NAALADL2: variants seen among roughly 807,000 people sequenced by gnomAD.
The protein encoded by NAALADL2 is N-acetylated alpha-linked acidic dipeptidase like 2.
Under a neutral mutation model 87.2 loss-of-function variants are expected in NAALADL2, and 76 were observed. The ratio of observed to expected loss-of-function variants is 0.87; its 90% CI spans 0.72 to 1.05. NAALADL2 has a LOEUF of 1.05. NAALADL2 is among the 50% of genes least tolerant of loss of function. The pLI, the probability that NAALADL2 is intolerant of heterozygous loss-of-function variation, is 0.00. For synonymous variants in NAALADL2, 354 were observed against 331.0 expected (o/e 1.07, Z -0.75); for missense variants, 1,089 against 945.8 (o/e 1.15, Z -1.99).
intron 1 of NAALADL2, among the ~76,000 whole-genome samples, chr3:174,866,333 C>T (rs1727141094): frequency 6.6e-6 from 1 of 151,770 alleles, no homozygotes; most frequent in Admixed American, 6.6e-5. Context: ...CTTTGAGCTC[C>T]TAAAGCTATT....
intron 2 of NAALADL2, among the ~76,000 whole-genome samples, chr3:175,100,942 G>C (rs1408698782): frequency 2.0e-5 from 3 of 152,016 alleles, no homozygotes; most frequent in African/African-American, 7.2e-5. Flanking sequence ...GAGAGGGAGA[G>C]GGCAGGAGGC....
chr3:174,975,119 A>T lies in NAALADL2; in HGVS notation c.43+115669A>T, dbSNP rs1000413675. ...CTTTACTTAATATAGGAATTATGCC[A>T]TAGTACAGAGCTAGGGAAACAGACT... On this transcript the variant is annotated intron_variant, in intron 1 of 13. Transcript: ENST00000454872. Among the ~76,000 whole-genome samples, 9 of 152,266 alleles carry T rather than the reference A, an allele frequency of 5.9e-5. No individual in the cohort carries two copies. In the South Asian group the frequency reaches 1.9e-3, roughly 32 times the overall value.
intron 1 of NAALADL2, among the ~76,000 whole-genome samples, chr3:174,946,156 G>A (rs1739389839): frequency 1.3e-5 from 2 of 148,678 alleles, no homozygotes; most frequent in Admixed American, 1.3e-4. Flanking sequence ...TCCAATTCTT[G>A]CCAAGTTTCC....
In NAALADL2 at chr3:174,851,210, AG is replaced by A. The variant is rs1012553930; in HGVS notation, c.-9+113467del. On this transcript the variant is annotated intron_variant, in intron 3 of 3. Coordinates refer to the NAALADL2 transcript ENST00000434257. Reference sequence around the variant, plus strand: ...TTCATCTTAAAGAAGTAGAAATGCAAGGGCAACCAAACTCAATCTTAGTAGA... The same window carrying A: ...TTCATCTTAAAGAAGTAGAAATGCAAGGCAACCAAACTCAATCTTAGTAGA... Among the ~76,000 whole-genome samples the A allele has an allele frequency of 2.5e-4, 38 of 152,158 alleles. No homozygotes were observed. The Middle Eastern group carries it at 0.01, about 41-fold the overall frequency.
At chr3:175,703,776 C>G (rs941414489) in intron 11 of NAALADL2, among the ~76,000 whole-genome samples, 1 of 151,976 alleles carries the variant, frequency 6.6e-6, no homozygotes, top group Non-Finnish European at 1.5e-5. Flanking sequence ...CAAAACTTAA[C>G]CTAAGTTGTT....
intron 4 of NAALADL2, among the ~76,000 whole-genome samples, chr3:175,272,786 G>C (rs2110021086): frequency 6.6e-6 from 1 of 152,164 alleles, no homozygotes; most frequent in Admixed American, 6.5e-5. Context: ...ACCTGAAGCT[G>C]TAGGTTATTT....
chr3:175,558,057 T>A (rs1715584179), intron 9 of NAALADL2, among the ~76,000 whole-genome samples: 1 of 151,304 alleles, frequency 6.6e-6, no homozygotes, highest in Non-Finnish European at 1.5e-5. Context: ...TAGCCGGGCG[T>A]GGTGGCGGGC....
chr3:174,953,297 T>TCCTCTCCCCC (rs1740651836), intron 1 of NAALADL2, among the ~76,000 whole-genome samples: 10 of 59,314 alleles, frequency 1.7e-4, no homozygotes, highest in African/African-American at 2.9e-4. Context: ...CTTTCTTGCC[T>TCCTCTCCCCC]CCCCTCCCCT....
intron 4 of NAALADL2, among the ~76,000 whole-genome samples, chr3:175,317,328 C>T (rs967299470): frequency 6.9e-6 from 1 of 145,410 alleles, no homozygotes; most frequent in East Asian, 2.1e-4. Context: ...TTTGACTATC[C>T]CACCAAAGCA....
intron 10 of NAALADL2, among the ~76,000 whole-genome samples, chr3:175,595,161 G>T (rs1219633634): frequency 6.6e-6 from 1 of 152,120 alleles, no homozygotes; most frequent in Non-Finnish European, 1.5e-5. Context: ...TCTATCTTAA[G>T]TAAATTTTTG....
chr3:175,729,228 T>C (rs76884852), intron 11 of NAALADL2, among the ~76,000 whole-genome samples: 6,168 of 152,288 alleles, frequency 0.041, 393 homozygotes, highest in African/African-American at 0.14. Flanking sequence ...AGAGCACCTA[T>C]CTTTTATGAC....
At chr3:174,935,019 A>G (rs1319541260) in intron 1 of NAALADL2, among the ~76,000 whole-genome samples, 1 of 151,780 alleles carries the variant, frequency 6.6e-6, no homozygotes, top group Non-Finnish European at 1.5e-5. Flanking sequence ...TGCCTAGCAT[A>G]AGATTAAGGT....
intron 1 of NAALADL2, among the ~76,000 whole-genome samples, chr3:175,018,083 T>C: frequency 6.6e-6 from 1 of 152,084 alleles, no homozygotes; most frequent in East Asian, 1.9e-4. Context: ...TCCATGTTTA[T>C]ATTCAAAATA....
intron 2 of NAALADL2, among the ~76,000 whole-genome samples, chr3:174,674,728 C>CT: frequency 6.6e-6 from 1 of 152,038 alleles, no homozygotes; most frequent in Admixed American, 6.6e-5. Context: ...TTTTCCCTGC[C>CT]TTTTTACTTC....
chr3:175,399,502 A>C (rs1474751152), intron 5 of NAALADL2, among the ~76,000 whole-genome samples: 1 of 152,156 alleles, frequency 6.6e-6, no homozygotes, highest in African/African-American at 2.4e-5. Flanking sequence ...ATGCTAAACA[A>C]GGGGTGGATT....
intron 3 of NAALADL2, among the ~76,000 whole-genome samples, chr3:174,767,398 C>T (rs2109094480): frequency 6.6e-6 from 1 of 152,290 alleles, no homozygotes; most frequent in South Asian, 2.1e-4. Context: ...TCACTCTAAA[C>T]TTAATTACAA....
At chr3:175,431,618 A>G (rs911313912) in intron 5 of NAALADL2, among the ~76,000 whole-genome samples, 4 of 151,984 alleles carry the variant, frequency 2.6e-5, no homozygotes, top group South Asian at 2.1e-4. Context: ...AAAACAGCCA[A>G]TGGGATTCAC....
At chr3:175,030,324 C>T (rs1008889019) in intron 1 of NAALADL2, among the ~76,000 whole-genome samples, 13 of 152,088 alleles carry the variant, frequency 8.5e-5, no homozygotes, top group East Asian at 1.9e-4. Flanking sequence ...TGCTTATAGA[C>T]GAGTTTTGTT....
chr3:174,589,537 T>C (rs1717128076), intron 2 of NAALADL2, among the ~76,000 whole-genome samples: 1 of 152,176 alleles, frequency 6.6e-6, no homozygotes, highest in Non-Finnish European at 1.5e-5. Flanking sequence ...TACTGGCAAA[T>C]TACCATTCAT....
Sources: allele counts gnomAD v4.1 joint callset (sites outside exome capture counted in the v4.1 genomes callset), GRCh38; gene constraint gnomAD v4.1.1; transcripts MANE v1.5; gene names NCBI Gene and HGNC (gene_info 2026-07-23, HGNC 2026-07-21).